Variants in ZFP90 observed in about 807,000 individuals in gnomAD.
ZFP90 encodes ZFP90 zinc finger protein.
A neutral mutation model predicts 60.8 loss-of-function variants in ZFP90; 38 were observed. The observed-to-expected ratio is 0.62, with a 90% CI of 0.48 to 0.82. ZFP90 has a LOEUF of 0.82. Among genes scored for constraint, ZFP90 ranks in the 40% least tolerant of loss-of-function variants. The pLI, the probability that ZFP90 is intolerant of heterozygous loss-of-function variation, is 0.00. For missense variants in ZFP90, 711 were observed against 759.1 expected (o/e 0.94, Z 0.74); for synonymous variants, 287 against 264.8 (o/e 1.08, Z -0.82).
At chr16:68,552,883 C>A (rs7195653) in intron 2 of ZFP90, among the ~76,000 whole-genome samples, 1 of 151,920 alleles carries the variant, frequency 6.6e-6, no homozygotes, top group African/African-American at 2.4e-5. Context: ...ATAGAGAAAC[C>A]CTATCTCTAC....
intron 3 of ZFP90, 45 bp from the exon 4 acceptor site, chr16:68,558,428 C>A: frequency 6.4e-7 from 1 of 1,555,336 alleles, no homozygotes; most frequent in South Asian, 1.1e-5. Context: ...GGTTCTTTGT[C>A]CACTTGCACA....
At chr16:68,555,867 G>A (rs1027605355) in intron 2 of ZFP90, among the ~76,000 whole-genome samples, 5 of 152,184 alleles carry the variant, frequency 3.3e-5, no homozygotes, top group Non-Finnish European at 5.9e-5. Context: ...CTATACCTAA[G>A]CAAACAAGAG....
chr16:68,549,406 G>A (rs1728767), intron 2 of ZFP90, among the ~76,000 whole-genome samples: 116,545 of 152,084 alleles, frequency 0.77, 44,754 homozygotes, highest in East Asian at 0.82. Context: ...GGCTGGGCGC[G>A]GTGGCTCATG....
intron 4 of ZFP90, among the ~76,000 whole-genome samples, chr16:68,559,714 T>C (rs557352901): frequency 3.3e-5 from 5 of 152,010 alleles, no homozygotes; most frequent in South Asian, 2.1e-4. Flanking sequence ...ACTATAGATA[T>C]GTGCCACCAC....
intron 2 of ZFP90, among the ~76,000 whole-genome samples, chr16:68,555,738 G>C (rs2091333052): frequency 1.3e-5 from 2 of 152,284 alleles, no homozygotes; most frequent in South Asian, 2.1e-4. Flanking sequence ...TCTCCAGTGG[G>C]GGATCAGAAG....
intron 2 of ZFP90, among the ~76,000 whole-genome samples, chr16:68,540,556 G>C (rs914495605): frequency 6.6e-6 from 1 of 152,010 alleles, no homozygotes; most frequent in Non-Finnish European, 1.5e-5. Context: ...TTTACATATT[G>C]GTGAAAATAC....
At chr16:68,546,311 T>C (rs1856585395) in intron 2 of ZFP90, among the ~76,000 whole-genome samples, 1 of 152,242 alleles carries the variant, frequency 6.6e-6, no homozygotes, top group Admixed American at 6.5e-5. Flanking sequence ...AGTTCAGTGG[T>C]ATTAAATACA....
intron 2 of ZFP90, among the ~76,000 whole-genome samples, chr16:68,553,452 C>T (rs1597731785): frequency 6.6e-6 from 1 of 151,810 alleles, no homozygotes; most frequent in Middle Eastern, 3.4e-3. Context: ...TGGGTGCAGG[C>T]GAGAGCTGCA....
At chr16:68,560,988 G>A (rs935394928) in intron 4 of ZFP90, among the ~76,000 whole-genome samples, 3 of 151,832 alleles carry the variant, frequency 2.0e-5, no homozygotes, top group South Asian at 2.1e-4. Flanking sequence ...TCCACCTCCC[G>A]GGTTCAAGCA....
downstream of ZFP90, among the ~76,000 whole-genome samples, chr16:68,569,210 C>T (rs1481807237): frequency 7.1e-6 from 1 of 140,354 alleles, no homozygotes; most frequent in Non-Finnish European, 1.5e-5. Context: ...GATCTCAACT[C>T]ACTGCAACTT....
intron 2 of ZFP90, chr16:68,533,996 G>A (rs904621535): frequency 1.3e-5 from 2 of 152,076 alleles, no homozygotes; most frequent in Non-Finnish European, 2.9e-5. Flanking sequence ...TCTTTAATCA[G>A]TTCTGGAAAT....
intron 2 of ZFP90, among the ~76,000 whole-genome samples, chr16:68,543,622 G>A (rs1263966283): frequency 6.7e-6 from 1 of 150,290 alleles, no homozygotes; most frequent in Admixed American, 6.6e-5. Flanking sequence ...GTGCAGTGGC[G>A]TGATCTTGGC....
At chr16:68,552,277 G>A (rs2091276144) in intron 2 of ZFP90, among the ~76,000 whole-genome samples, 1 of 152,172 alleles carries the variant, frequency 6.6e-6, no homozygotes, top group Admixed American at 6.5e-5. Flanking sequence ...TGTCTGTTAT[G>A]TACCAAACTG....
chr16:68,565,961 TAAAA>T lies in ZFP90; in HGVS notation c.*1275_*1278del. The stretch of plus-strand genomic sequence containing the variant: ...ACAACATGGTGAAACCCCATCTCTT[TAAAA>T]AAAAAAAAAAATCCAAAAATTAGCT... On this transcript the variant is annotated 3_prime_UTR_variant, in exon 5 of 5. Coordinates refer to ENST00000563169, the MANE Select transcript of ZFP90 (RefSeq NM_001305203.2). 2 of 585,222 alleles carry T rather than the reference TAAAA, an allele frequency of 3.4e-6. No homozygotes were observed. Among genetic ancestry groups the T allele is most frequent in the Non-Finnish European group, 4.3e-6 (2 of 470,358 alleles). 36.3% of individuals were successfully genotyped at this position (585,222 alleles called of 1,614,324 possible). A position where few individuals can be genotyped will look rare whatever the true frequency, so the allele number is the denominator to read the frequency against.
At position 68,564,667 on chromosome 16, in the gene ZFP90, A is replaced by G; in HGVS notation, c.1880A>G (p.His627Arg). ...NFSRSSALTKHQRIHTRNKL is the reference protein window; with the variant it reads ...NFSRSSALTKRQRIHTRNKL The stretch of plus-strand genomic sequence containing the variant: ...AGCCGAAGTTCAGCTCTTACTAAAC[A>G]CCAGAGAATTCATACTCGAAATAAA... The change falls in exon 5 of 5, where the codon CAC becomes CGC. Residue 627 changes from histidine (H) to arginine (R), a missense_variant. His to Arg is a conservative substitution (Grantham distance 29). This residue lies in a region of ZFP90 where 295 missense variants were observed against 274.0 expected (regional missense o/e 1.08). Transcript: ENST00000563169. 1 of 1,610,774 alleles carries G rather than the reference A, an allele frequency of 6.2e-7. No homozygotes were observed. Among genetic ancestry groups the G allele is most frequent in the South Asian group, 1.1e-5 (1 of 90,098 alleles).
downstream of ZFP90, among the ~76,000 whole-genome samples, chr16:68,567,924 G>A (rs139286277): frequency 1.3e-3 from 197 of 152,276 alleles, no homozygotes; most frequent in Middle Eastern, 0.01. Flanking sequence ...TTTTCACTTT[G>A]CAGTATTCTG....
chr16:68,539,969 C>G lies in ZFP90; in HGVS notation c.33+144C>G, dbSNP rs1597710341. 3 of 1,258,100 alleles carry G rather than the reference C, an allele frequency of 2.4e-6. No homozygotes were observed. The East Asian group carries it at 8.3e-5, about 35-fold the overall frequency. The allele number at this position is 1,258,100 out of a possible 1,614,324, so 77.9% of individuals were successfully genotyped here. On this transcript the variant is annotated intron_variant, in intron 2 of 4. Transcript: ENST00000563169. Reference sequence around the variant, plus strand: ...TCGGAGCCTCCTGGCCATGGAAAACCCCAGGCTTTGGGGAGCTGGATTCCC... The same window carrying G: ...TCGGAGCCTCCTGGCCATGGAAAACGCCAGGCTTTGGGGAGCTGGATTCCC...
At chr16:68,576,391 T>C (rs577095039), downstream of ZFP90, among the ~76,000 whole-genome samples, 4 of 152,276 alleles carry the variant, frequency 2.6e-5, no homozygotes, top group Admixed American at 1.3e-4. Flanking sequence ...ATGCAAACAA[T>C]AGGCTAACCA....
chr16:68,539,735 T>A (rs1341742290), intron 1 of ZFP90, 23 bp from the exon 2 acceptor site: 1 of 1,518,072 alleles, frequency 6.6e-7, no homozygotes, highest in Non-Finnish European at 8.9e-7. Context: ...GCGGGGTGAG[T>A]GGGCCCTGTC....
Sources: gnomAD v4.1 joint callset for allele counts (sites outside exome capture counted in the v4.1 genomes callset) on GRCh38, gnomAD v4.1.1 for gene constraint, gnomAD v4.1.1 regional missense constraint, MANE v1.5 for transcripts, NCBI Gene and HGNC (gene_info 2026-07-23, HGNC 2026-07-21) for gene names.